The following LRRK2 variants were observed in gnomAD, a reference collection of about 807,000 sequenced individuals.
LRRK2 encodes the protein leucine rich repeat kinase 2.
In LRRK2, 203 loss-of-function variants were observed where a neutral mutation model predicts 302.6. The ratio of observed to expected loss-of-function variants is 0.67; its 90% CI spans 0.60 to 0.75. LRRK2 has a LOEUF of 0.75. Ranked by LOEUF, LRRK2 falls within the 30% of genes least tolerant of loss-of-function variation. The pLI, the probability that LRRK2 is intolerant of heterozygous loss-of-function variation, is 0.00. For synonymous variants in LRRK2, 1,066 were observed against 1,031.9 expected, an observed-to-expected ratio of 1.03 and a Z score of -0.63; for missense variants, 2,830 against 2,951.0, an observed-to-expected ratio of 0.96 and a Z score of 0.95.
intron 6 of LRRK2, among the ~76,000 whole-genome samples, chr12:40,241,017 C>T (rs11564210): frequency 0.034 from 5,187 of 152,174 alleles, 236 homozygotes; most frequent in South Asian, 0.12. Flanking sequence ...GAAGGTGTGA[C>T]CTGAAGTGAG....
chr12:40,258,808 T>A (rs1942639464), intron 12 of LRRK2, among the ~76,000 whole-genome samples: 1 of 152,140 alleles, frequency 6.6e-6, no homozygotes, highest in Non-Finnish European at 1.5e-5. Flanking sequence ...TGTATCTCAG[T>A]GTCCACAGAA....
At chr12:40,232,531 A>T in intron 3 of LRRK2, 148 bp downstream of exon 3, 1 of 667,086 alleles carries the variant, frequency 1.5e-6, no homozygotes, top group Non-Finnish European at 2.7e-6. Flanking sequence ...TCAATGATTT[A>T]CATTTATAGA....
At chr12:40,286,543 A>G (rs1158026887) in intron 19 of LRRK2, 1 of 152,036 alleles carries the variant, frequency 6.6e-6, no homozygotes, top group Non-Finnish European at 1.5e-5. Flanking sequence ...TCACAGGGGT[A>G]ATATCAAATG....
At chr12:40,321,215 ATTTTTAGAG>A (rs1565749392) in intron 35 of LRRK2, 27 bp downstream of exon 35, 1 of 1,588,246 alleles carries the variant, frequency 6.3e-7, no homozygotes, top group Admixed American at 1.7e-5. Flanking sequence ...GACTTATTAG[ATTTTTAGAG>A]ACTATTAATT....
At chr12:40,299,647 T>C (rs1006140022) in intron 25 of LRRK2, among the ~76,000 whole-genome samples, 3 of 152,018 alleles carry the variant, frequency 2.0e-5, no homozygotes, top group African/African-American at 7.2e-5. Flanking sequence ...TTGTATACTA[T>C]AGAGGGGGAT....
chr12:40,232,353 G>C lies in LRRK2; in HGVS notation c.317G>C (p.Gly106Ala). 14 of 1,614,002 alleles carry C rather than the reference G, an allele frequency of 8.7e-6. No homozygotes were observed. The highest frequency in any genetic ancestry group is 1.2e-5 in the Non-Finnish European group (14 of 1,179,898). ...MQSLMGPQDV[G>A]NDWEVLGVHQ... ...AGCTTAATGGGACCCCAGGATGTTGGAAATGATTGGGAAGTCCTTGGTGTT... is the reference window on the plus strand; with the variant it reads ...AGCTTAATGGGACCCCAGGATGTTGCAAATGATTGGGAAGTCCTTGGTGTT... The change falls in exon 3 of 51, where the codon GGA becomes GCA. Residue 106 changes from glycine (G) to alanine (A), a missense_variant. This residue lies in a region of LRRK2 where 2,121 missense variants were observed against 2,148.0 expected (regional missense o/e 0.99). Transcript: ENST00000298910.
chr12:40,243,027 A>G (rs1425626632), intron 6 of LRRK2, among the ~76,000 whole-genome samples: 1 of 151,544 alleles, frequency 6.6e-6, no homozygotes, highest in Non-Finnish European at 1.5e-5. Context: ...CTATTTTACC[A>G]ACAAGAAAAC....
Position 40,295,532 on chromosome 12 carries a change from G to T in LRRK2, c.2984G>T (p.Arg995Ile). 1 of 1,613,964 alleles carries T rather than the reference G, an allele frequency of 6.2e-7. No individual in the cohort carries two copies. Among genetic ancestry groups the T allele is most frequent in the South Asian group, 1.1e-5 (1 of 91,080 alleles). The stretch of plus-strand genomic sequence containing the variant: ...CTAGACCTTTCAGCAAATGAACTAA[G>T]AGATATTGATGCCCTAAGCCAGAAA... ...TSLDLSANELRDIDALSQKCC... is the reference protein window; with the variant it reads ...TSLDLSANELIDIDALSQKCC... The change falls in exon 23 of 51, where the codon AGA becomes ATA. Residue 995 changes from arginine to isoleucine, a missense_variant. Arg to Ile is a moderately conservative substitution (Grantham distance 97). Coordinates refer to ENST00000298910, the MANE Select transcript of LRRK2 (RefSeq NM_198578.4).
intron 2 of LRRK2, among the ~76,000 whole-genome samples, chr12:40,229,180 TTTATA>T (rs1296887674): frequency 7.2e-5 from 11 of 152,224 alleles, no homozygotes; most frequent in African/African-American, 2.4e-4. Flanking sequence ...TTCAGATTTC[TTTATA>T]TTATTAGTAT....
intron 3 of LRRK2, chr12:40,232,605 T>C (rs1039249924): frequency 2.4e-6 from 1 of 416,300 alleles, no homozygotes; most frequent in African/African-American, 2.0e-5. Context: ...CAGAAGTTAT[T>C]ATTTTAATAA....
intron 28 of LRRK2, among the ~76,000 whole-genome samples, chr12:40,306,602 T>TA (rs1944835370): frequency 6.6e-6 from 1 of 152,176 alleles, no homozygotes; most frequent in African/African-American, 2.4e-5. Context: ...TTTCCACAGT[T>TA]ACTGTATTAA....
chr12:40,289,268 C>A lies in LRRK2; in HGVS notation c.2689+1729C>A, dbSNP rs1473242420. On this transcript the variant is annotated intron_variant, in intron 20 of 50. Transcript: ENST00000298910. ...ATTTATTCTGTGCCACTGATTTATA[C>A]CTTATTCTTATGCCAATACCACACT... Among the ~76,000 whole-genome samples the A allele has an allele frequency of 1.3e-4, 19 of 151,566 alleles. No individual in the cohort carries two copies. In the Admixed American group the frequency reaches 1.3e-3, roughly 10 times the overall value.
chr12:40,335,111 A>G lies in LRRK2; in HGVS notation c.5902A>G (p.Arg1968Gly). ...LLQQDKASLT[R>G]TLQHRIALHV... ...TCAGCAGGACAAAGCCAGCCTCACT[A>G]GAACCCTACAGCACAGGATTGCACT... Residue 1968 changes from arginine (R) to glycine (G), a missense_variant, in exon 40 of 51, where the codon AGA (arginine) becomes GGA (glycine). Coordinates refer to ENST00000298910, the MANE Select transcript of LRRK2 (RefSeq NM_198578.4). The G allele has an allele frequency of 1.2e-6, 2 of 1,614,104 alleles. No homozygotes were observed. Among genetic ancestry groups the G allele is most frequent in the Non-Finnish European group, 1.7e-6 (2 of 1,179,972 alleles).
rs183434774 is a variant in LRRK2, at chr12:40,238,316, C to A, written c.571+213C>A. On this transcript the variant is annotated intron_variant, in intron 5 of 50. Transcript: ENST00000298910. ...TTTCATTCGTGGGTTATAAATCATG[C>A]CCCTGGAGTAGACTTTCTTCAATTG... Among the ~76,000 whole-genome samples, 3 of 152,120 alleles carry A rather than the reference C, an allele frequency of 2.0e-5. No homozygotes were observed. In the East Asian group the frequency reaches 5.8e-4, roughly 29 times the overall value.
At chr12:40,230,283 T>TTTTATC (rs1186531616) in intron 2 of LRRK2, among the ~76,000 whole-genome samples, 1 of 152,156 alleles carries the variant, frequency 6.6e-6, no homozygotes, top group African/African-American at 2.4e-5. Context: ...GAGTAATCAT[T>TTTTATC]TTTATCTTCC....
chr12:40,347,878 G>C (rs1946239358), intron 42 of LRRK2, among the ~76,000 whole-genome samples: 1 of 152,024 alleles, frequency 6.6e-6, no homozygotes, highest in Non-Finnish European at 1.5e-5. Flanking sequence ...CACGAGAATA[G>C]CTTGAACCTG....
chr12:40,292,504 AATT>A (rs199943607), intron 20 of LRRK2, among the ~76,000 whole-genome samples: 4,988 of 151,894 alleles, frequency 0.033, 230 homozygotes, highest in South Asian at 0.12. Context: ...AAAGTGGGAT[AATT>A]ATGATAATTT....
chr12:40,283,913 C>T lies in LRRK2; in HGVS notation c.2280C>T (p.Leu760=). 1 of 1,613,486 alleles carries T rather than the reference C, an allele frequency of 6.2e-7. No homozygotes were observed. Among genetic ancestry groups the T allele is most frequent in the Admixed American group, 1.7e-5 (1 of 59,986 alleles). Residue 760 remains leucine (L), a synonymous_variant, in exon 19 of 51, where the codon CTC becomes CTT. Transcript: ENST00000298910. Reference sequence around the variant, plus strand: ...AGAGCAGTCCCAAATTGGTGGAACTCTTACTGAATAGTGGATCTCGTGAAC... The same window carrying T: ...AGAGCAGTCCCAAATTGGTGGAACTTTTACTGAATAGTGGATCTCGTGAAC... ...EKESSPKLVE[L]LLNSGSREQD...
chr12:40,346,729 A>G, intron 41 of LRRK2, 24 bp from the exon 42 acceptor site: 2 of 1,611,596 alleles, frequency 1.2e-6, no homozygotes, highest in Non-Finnish European at 1.7e-6. Context: ...GGTCATATTT[A>G]TTATTTTATC....
Sources: gnomAD v4.1 joint callset for allele counts (sites outside exome capture counted in the v4.1 genomes callset) on GRCh38, gnomAD v4.1.1 for gene constraint, gnomAD v4.1.1 regional missense constraint, MANE v1.5 for transcripts, NCBI Gene and HGNC (gene_info 2026-07-23, HGNC 2026-07-21) for gene names.